Variants in VPS13D observed in about 807,000 individuals in gnomAD.
The protein encoded by VPS13D is vacuolar protein sorting 13 homolog D, also known as intermembrane lipid transfer protein VPS13D.
A neutral mutation model predicts 461.9 loss-of-function variants in VPS13D; 187 were observed. The ratio of observed to expected loss-of-function variants is 0.40; its 90% CI spans 0.36 to 0.46. The LOEUF (loss-of-function observed/expected upper bound fraction) is 0.46. Among genes scored for constraint, VPS13D ranks in the 20% least tolerant of loss-of-function variants. VPS13D has a pLI of 0.60. For missense variants in VPS13D, 4,711 were observed against 5,364.9 expected, an observed-to-expected ratio of 0.88 and a Z score of 3.81; for synonymous variants, 1,951 against 1,986.3, an observed-to-expected ratio of 0.98 and a Z score of 0.47.
At chr1:12,293,829 A>C in intron 24 of VPS13D, 125 bp downstream of exon 24, 1 of 959,026 alleles carries the variant, frequency 1.0e-6, no homozygotes, top group Non-Finnish European at 1.5e-6. Context: ...CTCCGTGTAG[A>C]TTAGCTACAG....
Position 12,299,237 on chromosome 1 carries a change from C to T in VPS13D, c.6069C>T (p.Leu2023=), listed in dbSNP as rs781121562. Residue 2023 remains leucine (L), a synonymous_variant, in exon 25 of 70, where the codon CTC becomes CTT. Coordinates refer to ENST00000620676, the MANE Select transcript of VPS13D (RefSeq NM_015378.4). This position sits in a 1 kb window ranked among gnomAD's most constrained non-coding sequence, Gnocchi z 4.2. ...RDQAQRCSRV[L]LDIEAGAPVL... ...AAGCCCAGCGCTGTTCACGGGTTCT[C>T]CTGGATATTGAGGCTGGTGCTCCCG... 2 of 1,613,348 alleles carry T rather than the reference C, an allele frequency of 1.2e-6. No individual in the cohort carries two copies. The highest frequency in any genetic ancestry group is 8.5e-7 in the Non-Finnish European group (1 of 1,179,890).
At chr1:12,351,538 C>T (rs998839288) in intron 46 of VPS13D, among the ~76,000 whole-genome samples, 4 of 152,008 alleles carry the variant, frequency 2.6e-5, no homozygotes, top group Non-Finnish European at 5.9e-5. Flanking sequence ...AATCCACCCA[C>T]CTTGGCCTCC....
At position 12,277,190 on chromosome 1, in the gene VPS13D, C is replaced by T; in HGVS notation, c.3602C>T (p.Thr1201Ile). The T allele has an allele frequency of 6.2e-7, 1 of 1,614,110 alleles. No homozygotes were observed. Among genetic ancestry groups the T allele is most frequent in the Non-Finnish European group, 8.5e-7 (1 of 1,180,026 alleles). ...ATTGCAACTGCAAGTATAGGTGGCA[C>T]CAAAGTTAATGTCTCAATGGGTAGC... The part of the protein sequence containing the change: ...RKIATASIGG[T>I]KVNVSMGSTF... Residue 1201 changes from threonine to isoleucine, a missense_variant, in exon 19 of 70, where the codon ACC (threonine) becomes ATC (isoleucine). Thr to Ile is a moderately conservative substitution (Grantham distance 89, BLOSUM62 -1). Transcript: ENST00000620676.
chr1:12,311,412 T>C, intron 27 of VPS13D, 42 bp from the exon 28 acceptor site: 1 of 1,567,456 alleles, frequency 6.4e-7, no homozygotes, highest in Non-Finnish European at 8.6e-7. Flanking sequence ...AGTGTTAAGT[T>C]AGTGACTTGT....
chr1:12,320,173 C>G (rs1642996972), intron 32 of VPS13D, among the ~76,000 whole-genome samples: 1 of 152,230 alleles, frequency 6.6e-6, no homozygotes, highest in African/African-American at 2.4e-5. Context: ...AATAGTGGTG[C>G]TTTAGGCTCT....
chr1:12,462,174 A>G (rs192593902), intron 67 of VPS13D, among the ~76,000 whole-genome samples: 1 of 152,318 alleles, frequency 6.6e-6, no homozygotes, highest in Non-Finnish European at 1.5e-5. Flanking sequence ...ATAAACACTT[A>G]TTTGCTGAAA....
In VPS13D at chr1:12,260,703, G is replaced by C; in HGVS notation, c.1121G>C (p.Cys374Ser). The C allele has an allele frequency of 6.2e-7, 1 of 1,614,120 alleles. No homozygotes were observed. The highest frequency in any genetic ancestry group is 2.2e-5 in the East Asian group (1 of 44,878). Reference protein sequence around the residue: ...LLSTDDKEEMCRIEEEQSFEE... With the variant: ...LLSTDDKEEMSRIEEEQSFEE... ...TTTTCACCCAAACAGGAGGAAATGT[G>C]TCGGATTGAAGAGGAACAGAGCTTT... Residue 374 changes from cysteine (C) to serine (S), a missense_variant, in exon 11 of 70, where the codon TGT (cysteine) becomes TCT (serine). Physicochemically the swap from Cys to Ser is moderately radical, Grantham distance 112. This residue lies in a region of VPS13D where 4,411 missense variants were observed against 4,937.8 expected (regional missense o/e 0.89). Transcript: ENST00000620676.
At chr1:12,355,832 CT>C in intron 47 of VPS13D, 66 bp from the exon 48 acceptor site, 2 of 1,421,420 alleles carry the variant, frequency 1.4e-6, no homozygotes, top group Non-Finnish European at 1.9e-6. Context: ...ATCCAATTTA[CT>C]TTTGCTGTGA....
Position 12,482,947 on chromosome 1 carries a change from C to G in VPS13D, c.12663-14553C>G, listed in dbSNP as rs145396737. Among the ~76,000 whole-genome samples the G allele has an allele frequency of 6.8e-3, 1,034 of 152,130 alleles. 9 individuals are homozygous for G. The highest frequency in any genetic ancestry group is 0.023 in the African/African-American group (945 of 41,476). ...TATTATAATACAAATATTCCATAAGCTACTTAACTAGTTCCCCATTGATGG... is the reference window on the plus strand; with the variant it reads ...TATTATAATACAAATATTCCATAAGGTACTTAACTAGTTCCCCATTGATGG... On this transcript the variant is annotated intron_variant, in intron 67 of 69. Coordinates refer to ENST00000620676, the MANE Select transcript of VPS13D (RefSeq NM_015378.4).
rs138378358 is a variant in VPS13D at position 12,430,599 on chromosome 1, G to T, written c.12333+13772G>T. Among the ~76,000 whole-genome samples, 206 of 152,362 alleles carry T rather than the reference G, an allele frequency of 1.4e-3. 2 individuals are homozygous for T. Among genetic ancestry groups the T allele is most frequent in the African/African-American group, 4.5e-3 (189 of 41,580 alleles). On this transcript the variant is annotated intron_variant, in intron 65 of 69. Coordinates refer to ENST00000620676, the MANE Select transcript of VPS13D (RefSeq NM_015378.4). ...TGGTTTTGCCAAGACCGTGCAGTCA[G>T]TGTTGGAACCAGGGGATGGTGCCCA... is the stretch of plus-strand genomic sequence containing the variant.
intron 20 of VPS13D, among the ~76,000 whole-genome samples, chr1:12,280,047 CAG>C (rs147561798): frequency 0.019 from 2,877 of 152,320 alleles, 90 homozygotes; most frequent in East Asian, 0.13. Context: ...ATCCTTTCAA[CAG>C]AGAATTAGTC....
intron 65 of VPS13D, among the ~76,000 whole-genome samples, chr1:12,440,238 T>C (rs1645112614): frequency 6.6e-6 from 1 of 152,188 alleles, no homozygotes. Flanking sequence ...TTGAGGGACA[T>C]CATTTTGTGT....
chr1:12,361,670 C>T lies in VPS13D; in HGVS notation c.10142-1050C>T, dbSNP rs1311569570. On this transcript the variant is annotated intron_variant, in intron 50 of 69. Transcript: ENST00000620676. ...TCGGCCTCCCAAAGTGCTGGGATTA[C>T]AGGCGTGAGCCACCACGCCCGGCCT... Among the ~76,000 whole-genome samples, 7 of 152,164 alleles carry T rather than the reference C, an allele frequency of 4.6e-5. No homozygotes were observed. In the East Asian group the frequency reaches 1.2e-3, roughly 25 times the overall value.
At position 12,279,472 on chromosome 1, in the gene VPS13D, T is replaced by C; in HGVS notation, c.4451-27T>C. ...ATGAAGTAAATATTAAGGTTTATGG[T>C]CTATCATTTCATCTCTTTTATGCCA... On this transcript the variant is annotated intron_variant, in intron 19 of 69. Transcript: ENST00000620676. This position sits in a 1 kb window ranked among gnomAD's most constrained non-coding sequence, Gnocchi z 4.3. 1 of 1,575,922 alleles carries C rather than the reference T, an allele frequency of 6.3e-7. No homozygotes were observed. Among genetic ancestry groups the C allele is most frequent in the South Asian group, 1.2e-5 (1 of 86,314 alleles).
chr1:12,348,681 G>A, intron 44 of VPS13D, 142 bp from the exon 45 acceptor site: 2 of 1,066,746 alleles, frequency 1.9e-6, no homozygotes, highest in African/African-American at 1.6e-5. Flanking sequence ...AAGTTGAATG[G>A]CTTTAGGGTT....
At chr1:12,336,072 A>C in intron 39 of VPS13D, 1 of 438,538 alleles carries the variant, frequency 2.3e-6, no homozygotes. Context: ...CGTAATTCCT[A>C]AATCCTGGTA....
chr1:12,348,676 G>T, intron 44 of VPS13D, 147 bp from the exon 45 acceptor site: 1 of 997,750 alleles, frequency 1.0e-6, no homozygotes, highest in Non-Finnish European at 1.4e-6. Flanking sequence ...CTTTAAAGTT[G>T]AATGGCTTTA....
chr1:12,405,357 A>G (rs1217012069), intron 63 of VPS13D, among the ~76,000 whole-genome samples: 2 of 152,216 alleles, frequency 1.3e-5, no homozygotes, highest in East Asian at 3.8e-4. Flanking sequence ...GCCTAACAAA[A>G]CACATGTGTG....
At chr1:12,255,324 G>A (rs1569696719) in intron 7 of VPS13D, among the ~76,000 whole-genome samples, 1 of 152,284 alleles carries the variant, frequency 6.6e-6, no homozygotes, top group Non-Finnish European at 1.5e-5. Flanking sequence ...TAAAGGTAAA[G>A]ATCTTTATGA....
Sources: gnomAD v4.1 joint callset for allele counts (sites outside exome capture counted in the v4.1 genomes callset) on GRCh38, gnomAD v4.1.1 for gene constraint, gnomAD v4.1.1 regional missense constraint, Gnocchi (gnomAD v3.1) non-coding constraint, MANE v1.5 for transcripts, NCBI Gene and HGNC (gene_info 2026-07-23, HGNC 2026-07-21) for gene names.